The following CCDC3 variants were observed in gnomAD, a reference collection of about 807,000 sequenced individuals.
CCDC3 encodes coiled-coil domain containing 3.
A neutral mutation model predicts 21.4 loss-of-function variants in CCDC3; 24 were observed. The observed-to-expected ratio is 1.12, with a 90% CI of 0.81 to 1.58. The LOEUF is 1.58. Ranked by LOEUF, CCDC3 falls within the 40% of genes most tolerant of loss-of-function variation. The pLI is 0.00. For synonymous variants in CCDC3, 186 were observed against 166.0 expected (o/e 1.12, Z -0.93); for missense variants, 425 against 360.9 (o/e 1.18, Z -1.44).
chr10:12,915,177 C>T (rs1589002614), intron 2 of CCDC3, among the ~76,000 whole-genome samples: 1 of 152,152 alleles, frequency 6.6e-6, no homozygotes, highest in African/African-American at 2.4e-5. Context: ...TTTCTGAAAC[C>T]AGAATTGATT....
chr10:13,072,196 T>A (rs1836891378), intron 4 of CCDC3, among the ~76,000 whole-genome samples: 1 of 152,148 alleles, frequency 6.6e-6, no homozygotes. Context: ...ATTCTCGCCT[T>A]CAGGCTATCA....
At chr10:12,957,262 C>A (rs1835103421) in intron 2 of CCDC3, among the ~76,000 whole-genome samples, 1 of 152,166 alleles carries the variant, frequency 6.6e-6, no homozygotes, top group Non-Finnish European at 1.5e-5. Flanking sequence ...CCCTCTTCCT[C>A]CTTTTAAGAC....
exon 5 of CCDC3, chr10:13,049,762 G>A (rs541513837): frequency 6.6e-6 from 1 of 152,144 alleles, no homozygotes; most frequent in Non-Finnish European, 1.5e-5. Context: ...AAGAGCCCTG[G>A]GAGAGACAAC....
intron 2 of CCDC3, among the ~76,000 whole-genome samples, chr10:12,974,029 T>A (rs141908397): frequency 3.3e-5 from 5 of 152,044 alleles, no homozygotes; most frequent in African/African-American, 4.8e-5. Context: ...GTACAAGCAC[T>A]CCAAGAACCA....
intron 3 of CCDC3, among the ~76,000 whole-genome samples, chr10:13,081,758 G>A (rs1369804375): frequency 6.6e-6 from 1 of 152,132 alleles, no homozygotes; most frequent in Non-Finnish European, 1.5e-5. Context: ...ATTGAGACAA[G>A]GTATCAGGAT....
intron 5 of CCDC3, among the ~76,000 whole-genome samples, chr10:13,032,027 A>C (rs1836311135): frequency 6.6e-6 from 1 of 152,228 alleles, no homozygotes; most frequent in African/African-American, 2.4e-5. Flanking sequence ...AGCCGGGCAG[A>C]GACACAACCA....
intron 2 of CCDC3, among the ~76,000 whole-genome samples, chr10:12,925,619 C>CA (rs2131221367): frequency 6.6e-6 from 1 of 152,354 alleles, no homozygotes; most frequent in South Asian, 2.1e-4. Context: ...ATATAACATA[C>CA]ATGGTCTTAA....
chr10:12,949,700 C>G lies in CCDC3; in HGVS notation c.549+48638G>C, dbSNP rs186982363. Among the ~76,000 whole-genome samples the G allele has an allele frequency of 1.7e-3, 259 of 152,306 alleles. 2 individuals are homozygous for G. Among genetic ancestry groups the G allele is most frequent in the Non-Finnish European group, 1.5e-3 (105 of 68,026 alleles). On this transcript the variant is annotated intron_variant, in intron 2 of 2. Coordinates refer to ENST00000378825, the MANE Select transcript of CCDC3 (RefSeq NM_031455.4). ...TTCCTAAATCAATGTAAGTAATAGCCTGGCCTGGCTCTTTTCAGGAGATCC... is the reference window on the plus strand; with the variant it reads ...TTCCTAAATCAATGTAAGTAATAGCGTGGCCTGGCTCTTTTCAGGAGATCC...
chr10:12,990,033 A>G (rs1236365173), intron 2 of CCDC3, among the ~76,000 whole-genome samples: 1 of 152,038 alleles, frequency 6.6e-6, no homozygotes, highest in African/African-American at 2.4e-5. Flanking sequence ...CGGGCAGATC[A>G]TGAGGTCAGG....
chr10:12,986,401 C>T (rs2131275982), intron 2 of CCDC3, among the ~76,000 whole-genome samples: 1 of 152,218 alleles, frequency 6.6e-6, no homozygotes, highest in South Asian at 2.1e-4. Context: ...GTGAGGGGTG[C>T]CTGGGACCCG....
At chr10:13,006,256 T>C (rs1032758237), upstream of CCDC3, among the ~76,000 whole-genome samples, 14 of 152,230 alleles carry the variant, frequency 9.2e-5, no homozygotes, top group Non-Finnish European at 1.9e-4. Context: ...ATGCAAACCG[T>C]TGCTGGCAAT....
In CCDC3 at chr10:12,912,793, G is replaced by A. The variant is rs544390316; in HGVS notation, c.550-14114C>T. 4.6e-5 allele frequency among the ~76,000 whole-genome samples: 7 copies of A among 152,216 alleles called. No individual in the cohort carries two copies. The South Asian group carries it at 6.2e-4, about 14-fold the overall frequency. On this transcript the variant is annotated intron_variant, in intron 2 of 2. Coordinates refer to ENST00000378825, the MANE Select transcript of CCDC3 (RefSeq NM_031455.4). ...CATTGAGTTGATTTTTGTATATGGC[G>A]TGAGATGAGGGCCTAATTTCATTCT...
chr10:12,908,499 G>T (rs776487234), intron 2 of CCDC3, among the ~76,000 whole-genome samples: 17 of 152,072 alleles, frequency 1.1e-4, no homozygotes, highest in Non-Finnish European at 2.5e-4. Flanking sequence ...AAAGAAGCCT[G>T]GGAAACACTA....
chr10:13,065,437 T>C (rs1485244233), intron 4 of CCDC3, among the ~76,000 whole-genome samples: 1 of 152,242 alleles, frequency 6.6e-6, no homozygotes, highest in Non-Finnish European at 1.5e-5. Flanking sequence ...ATGATGTTGC[T>C]GATTCAGGAA....
chr10:12,963,045 G>A (rs903746588), intron 2 of CCDC3, among the ~76,000 whole-genome samples: 4 of 152,146 alleles, frequency 2.6e-5, no homozygotes, highest in Middle Eastern at 3.4e-3. Context: ...TTTTTATTTG[G>A]TTAAGAGACC....
At chr10:12,973,393 G>GGAA (rs942953181) in intron 2 of CCDC3, among the ~76,000 whole-genome samples, 1 of 152,126 alleles carries the variant, frequency 6.6e-6, no homozygotes, top group African/African-American at 2.4e-5. Context: ...AACCAATGGG[G>GGAA]GAAGGCCTGA....
chr10:12,945,842 T>C (rs1834908059), intron 2 of CCDC3, among the ~76,000 whole-genome samples: 2 of 152,338 alleles, frequency 1.3e-5, no homozygotes, highest in African/African-American at 4.8e-5. Context: ...AAGGTTGCCT[T>C]TGACTATCTG....
At chr10:12,904,007 G>T (rs1834131313) in intron 2 of CCDC3, among the ~76,000 whole-genome samples, 1 of 152,142 alleles carries the variant, frequency 6.6e-6, no homozygotes, top group Admixed American at 6.5e-5. Flanking sequence ...GAAAACTGGA[G>T]TCCTGCTGTT....
At chr10:13,025,220 A>T (rs763713562) in intron 5 of CCDC3, among the ~76,000 whole-genome samples, 5 of 152,154 alleles carry the variant, frequency 3.3e-5, no homozygotes, top group Non-Finnish European at 7.3e-5. Context: ...TGGAGGTTCA[A>T]CTGGAATTGG....
Sources: allele counts gnomAD v4.1 joint callset (sites outside exome capture counted in the v4.1 genomes callset), GRCh38; gene constraint gnomAD v4.1.1; transcripts MANE v1.5; gene names NCBI Gene and HGNC (gene_info 2026-07-23, HGNC 2026-07-21).